Variants in TENT4A observed in about 807,000 individuals in gnomAD.
The protein encoded by TENT4A is terminal nucleotidyltransferase 4A, also known as DNA polymerase kappa.
In TENT4A, 7 loss-of-function variants were observed where a neutral mutation model predicts 72.8. That is an observed-to-expected ratio of 0.10 (90% CI 0.05 to 0.18). TENT4A has a LOEUF of 0.18. Ranked by LOEUF, TENT4A falls within the 10% of genes least tolerant of loss-of-function variation. TENT4A has a pLI of 1.00. For synonymous variants in TENT4A, 456 were observed against 434.3 expected (o/e 1.05, Z -0.62); for missense variants, 831 against 1,017.7 (o/e 0.82, Z 2.50).
chr5:6,732,208 G>T (rs551672359), intron 1 of TENT4A, among the ~76,000 whole-genome samples: 1 of 152,208 alleles, frequency 6.6e-6, no homozygotes, highest in Non-Finnish European at 1.5e-5. Context: ...GCACGGGTGG[G>T]CTTGCTTCAC....
intron 1 of TENT4A, chr5:6,715,106 G>A (rs1245653657): frequency 3.2e-5 from 5 of 154,266 alleles, no homozygotes; most frequent in South Asian, 2.1e-4. Flanking sequence ...CCAGGAACTC[G>A]AATCACGTCG....
chr5:6,728,141 C>T (rs1427149682), intron 1 of TENT4A, among the ~76,000 whole-genome samples: 9 of 152,134 alleles, frequency 5.9e-5, no homozygotes, highest in Admixed American at 1.3e-4. Flanking sequence ...TGGGGTCTCA[C>T]GGCGCCCGTG....
chr5:6,721,836 G>T (rs1405819731), intron 1 of TENT4A, among the ~76,000 whole-genome samples: 1 of 152,180 alleles, frequency 6.6e-6, no homozygotes, highest in Non-Finnish European at 1.5e-5. Flanking sequence ...TGCATAACCA[G>T]TTAGGCTCTC....
chr5:6,748,231 C>A (rs1742211613), intron 7 of TENT4A, among the ~76,000 whole-genome samples: 1 of 152,218 alleles, frequency 6.6e-6, no homozygotes, highest in South Asian at 2.1e-4. Flanking sequence ...ATGATGCAGA[C>A]CAGTCCTCTC....
chr5:6,749,529 G>A, intron 8 of TENT4A, 28 bp from the exon 9 acceptor site: 1 of 1,473,064 alleles, frequency 6.8e-7, no homozygotes, highest in Non-Finnish European at 9.5e-7. Flanking sequence ...GTTGTACTCT[G>A]TTGATCTCCA....
intron 1 of TENT4A, chr5:6,714,975 G>C (rs1012596397): frequency 2.0e-5 from 4 of 204,318 alleles, no homozygotes; most frequent in African/African-American, 6.9e-5. Flanking sequence ...AGATTGGAAC[G>C]GGAAATCGAC....
chr5:6,743,647 C>A, intron 5 of TENT4A, 65 bp from the exon 6 acceptor site: 1 of 1,269,142 alleles, frequency 7.9e-7, no homozygotes, highest in Non-Finnish European at 1.1e-6. Flanking sequence ...GTGTGATTTG[C>A]TATGTGAAAT....
At position 6,740,684 on chromosome 5, in the gene TENT4A, C is replaced by G. The variant is rs181699901; in HGVS notation, c.1008+832C>G. ...GAAAAGTGCACATGTACCAGGTGCA[C>G]CTCTTGGTGAGAGTTAACGAAGTGC... is the stretch of plus-strand genomic sequence containing the variant. On this transcript the variant is annotated intron_variant, in intron 4 of 12. Transcript: ENST00000230859. 5.3e-5 allele frequency among the ~76,000 whole-genome samples: 8 copies of G among 152,328 alleles called. No individual in the cohort carries two copies. The East Asian group carries it at 1.5e-3, about 29-fold the overall frequency.
intron 1 of TENT4A, among the ~76,000 whole-genome samples, chr5:6,719,837 TAGA>T (rs1740559327): frequency 6.6e-6 from 1 of 152,196 alleles, no homozygotes; most frequent in Non-Finnish European, 1.5e-5. Context: ...CTCAGAGGCT[TAGA>T]AGAACACTCA....
intron 1 of TENT4A, 145 bp downstream of exon 1, chr5:6,714,844 G>T: frequency 3.1e-6 from 1 of 322,066 alleles, no homozygotes; most frequent in Non-Finnish European, 5.3e-6. Context: ...TGCACTGAAA[G>T]TTTTTTTTTT....
At chr5:6,742,947 T>A (rs1338629390) in intron 5 of TENT4A, among the ~76,000 whole-genome samples, 2 of 151,472 alleles carry the variant, frequency 1.3e-5, no homozygotes, top group Non-Finnish European at 2.9e-5. Flanking sequence ...GCCTTAAATA[T>A]ACTCACTTTG....
Position 6,739,821 on chromosome 5 carries a change from C to G in TENT4A, c.977C>G (p.Pro326Arg). 4.3e-6 allele frequency: 7 copies of G among 1,614,196 alleles called. No homozygotes were observed. Among genetic ancestry groups the G allele is most frequent in the Non-Finnish European group, 5.9e-6 (7 of 1,180,008 alleles). The change falls in exon 4 of 13, where the codon CCG (proline) becomes CGG (arginine). Residue 326 changes from proline to arginine, a missense_variant. By Grantham distance (103) the Pro-to-Arg change is moderately radical. Around this residue, in one of 3 missense-constraint regions of TENT4A, gnomAD observed 197 missense variants for 399.6 expected, o/e 0.49. Coordinates refer to ENST00000230859, the MANE Select transcript of TENT4A (RefSeq NM_006999.6). ...CTGCGGAAGCACAACGTGGCTGAGC[C>G]GTGTTCCATCAAAGTCCTTGACAAG... ...QALRKHNVAE[P>R]CSIKVLDKAT...
intron 1 of TENT4A, among the ~76,000 whole-genome samples, chr5:6,717,445 G>A (rs274724): frequency 0.87 from 132,785 of 152,264 alleles, 59,858 homozygotes; most frequent in East Asian, 0.99. Flanking sequence ...AACCCTCACT[G>A]TTTGTCCTTT....
In TENT4A at chr5:6,756,644, G is replaced by GATGACC. The variant is rs1401419577; in HGVS notation, c.*1700_*1705dup. 8 of 152,650 alleles carry GATGACC rather than the reference G, an allele frequency of 5.2e-5. No individual in the cohort carries two copies. In the East Asian group the frequency reaches 1.5e-3, roughly 29 times the overall value. The allele number at this position is 152,650 out of a possible 1,614,324, so 9.5% of individuals were successfully genotyped here. ...GTAGCACACTGTGTCTGCAGTTCTC[G>GATGACC]ATGACCGAAAGTTATCAAAAATATT... On this transcript the variant is annotated 3_prime_UTR_variant, in exon 13 of 13. Transcript: ENST00000230859.
chr5:6,715,496 G>A (rs1740326421), intron 1 of TENT4A, among the ~76,000 whole-genome samples: 1 of 152,174 alleles, frequency 6.6e-6, no homozygotes, highest in Non-Finnish European at 1.5e-5. Flanking sequence ...GCCATTTTGG[G>A]CTTTTCTGAG....
intron 1 of TENT4A, among the ~76,000 whole-genome samples, chr5:6,719,738 A>G (rs906660373): frequency 5.3e-5 from 8 of 152,202 alleles, no homozygotes; most frequent in African/African-American, 1.9e-4. Context: ...TTTTCTCCCA[A>G]CACTGGGGAT....
chr5:6,753,100 A>C, intron 12 of TENT4A, 63 bp downstream of exon 12: 1 of 1,449,040 alleles, frequency 6.9e-7, no homozygotes, highest in African/African-American at 1.4e-5. Context: ...GGCGGTGCTA[A>C]ATGTTTTCTC....
At chr5:6,750,769 G>A in intron 10 of TENT4A, 1 of 549,532 alleles carries the variant, frequency 1.8e-6, no homozygotes, top group Non-Finnish European at 3.2e-6. Context: ...GGACTTCCTT[G>A]AGTAGTTTTT....
chr5:6,746,846 A>C (rs1742130627), intron 7 of TENT4A, among the ~76,000 whole-genome samples: 1 of 152,154 alleles, frequency 6.6e-6, no homozygotes, highest in South Asian at 2.1e-4. Context: ...ACATCCCACA[A>C]CGCAAACACG....
Sources: allele counts gnomAD v4.1 joint callset (sites outside exome capture counted in the v4.1 genomes callset), GRCh38; gene constraint gnomAD v4.1.1; regional missense constraint gnomAD v4.1.1; transcripts MANE v1.5; gene names NCBI Gene and HGNC (gene_info 2026-07-23, HGNC 2026-07-21).